The following BCORL1 variants were observed in gnomAD, a reference collection of about 807,000 sequenced individuals.
BCORL1 encodes the protein BCL-6 corepressor-like protein 1.
In BCORL1, 7 loss-of-function variants were observed where a neutral mutation model predicts 87.6. That is an observed-to-expected ratio of 0.08 (90% CI 0.05 to 0.15). The LOEUF is 0.15. Ranked by LOEUF, BCORL1 falls within the 10% of genes least tolerant of loss-of-function variation. The pLI is 1.00. For missense variants in BCORL1, 1,215 were observed against 1,499.7 expected (o/e 0.81, Z 3.13); for synonymous variants, 591 against 634.4 (o/e 0.93, Z 1.03).
chrX:129,994,377 C>T (rs1395705338), intron 1 of BCORL1, among the ~76,000 whole-genome samples: 3 of 111,549 alleles, frequency 2.7e-5, no homozygotes, highest in Non-Finnish European at 3.8e-5. Context: ...AACATCAGAT[C>T]GACCCTGAAA....
At chrX:130,039,067 G>A (rs1931141954) in intron 10 of BCORL1, 70 bp from the exon 11 acceptor site, 1 of 1,137,033 alleles carries the variant, frequency 8.8e-7, no homozygotes, top group Non-Finnish European at 1.2e-6. Context: ...CCCTGATGCA[G>A]TAGCCTTAAG....
chrX:129,991,651 CTTTTT>C (rs112594609), intron 1 of BCORL1, among the ~76,000 whole-genome samples: 1 of 47,540 alleles, frequency 2.1e-5, no homozygotes, highest in African/African-American at 9.7e-5. Flanking sequence ...AGAAAATATT[CTTTTT>C]TTTTTTTTTT....
At chrX:130,050,831 C>T (rs1932030828) in intron 12 of BCORL1, 37 bp downstream of exon 12, 1 of 1,126,447 alleles carries the variant, frequency 8.9e-7, no homozygotes, top group Non-Finnish European at 1.2e-6. Context: ...CCCTTCTTCT[C>T]AAGGACAGGA....
intron 1 of BCORL1, among the ~76,000 whole-genome samples, chrX:129,986,525 T>C (rs1275171244): frequency 9.0e-6 from 1 of 111,571 alleles, no homozygotes; most frequent in African/African-American, 3.3e-5. Context: ...GTTCATGAAA[T>C]AGAAAAAAAT....
At chrX:129,991,721 G>A (rs1211152427) in intron 1 of BCORL1, among the ~76,000 whole-genome samples, 5 of 85,941 alleles carry the variant, frequency 5.8e-5, no homozygotes, top group Admixed American at 1.3e-4. Context: ...GCAGTGGTGC[G>A]ATCTCGGCTC....
chrX:130,004,545 G>A (rs747557847), intron 1 of BCORL1, among the ~76,000 whole-genome samples: 24 of 111,897 alleles, frequency 2.1e-4, no homozygotes, highest in African/African-American at 7.1e-4. Flanking sequence ...GCGCCCTGCC[G>A]AAACACGTAG....
chrX:130,009,283 G>A (rs760229058), intron 2 of BCORL1, among the ~76,000 whole-genome samples: 26 of 110,694 alleles, frequency 2.3e-4, no homozygotes, highest in South Asian at 3.8e-4. Context: ...TGACCAACAC[G>A]GAGAAACCCC....
intron 2 of BCORL1, among the ~76,000 whole-genome samples, chrX:130,011,605 T>C (rs1352347423): frequency 2.8e-5 from 1 of 35,920 alleles, no homozygotes; most frequent in African/African-American, 3.9e-4. Context: ...CCCTCTCCCT[T>C]TTTTTTTTTG....
In BCORL1 at chrX:130,056,027, A is replaced by G; in HGVS notation, c.5249A>G (p.Asp1750Gly). ...CCTGCCGAGAGGCCTGGAGGCTTGG[A>G]CGACAGATCCCCCCCAGGCTCCTCT... ...LTPAERPGGL[D>G]DRSPPGSSET... is the part of the protein sequence containing the mutation. Residue 1750 changes from aspartate to glycine, a missense_variant, in exon 14 of 14, where the codon GAC (aspartate) becomes GGC (glycine). Physicochemically the swap from Asp to Gly is moderately conservative, Grantham distance 94. Transcript: ENST00000540052. 8.3e-7 allele frequency: 1 copy of G among 1,211,968 alleles called. No homozygotes were observed. Among genetic ancestry groups the G allele is most frequent in the Non-Finnish European group, 1.1e-6 (1 of 895,501 alleles).
chrX:130,050,580 C>A, intron 11 of BCORL1, 137 bp from the exon 12 acceptor site: 1 of 536,312 alleles, frequency 1.9e-6, no homozygotes, highest in Non-Finnish European at 3.3e-6. Context: ...GTGTGTGTCT[C>A]TCTGGTCACT....
intron 1 of BCORL1, among the ~76,000 whole-genome samples, chrX:129,989,276 C>A (rs1270773227): frequency 2.9e-5 from 3 of 103,117 alleles, no homozygotes; most frequent in Non-Finnish European, 5.9e-5. Flanking sequence ...GCTGGGACTA[C>A]AGGCGCCCGC....
In BCORL1 at chrX:130,040,710, G is replaced by A. The variant is rs753238821; in HGVS notation, c.4840+1428G>A. On this transcript the variant is annotated intron_variant, in intron 11 of 13. Coordinates refer to ENST00000540052, the MANE Select transcript of BCORL1 (RefSeq NM_001379451.1). ...GTTCCCCTTAGCTGAACCATCCCTA[G>A]GGGTGCAGGGCTTGGGGCAAGCCAC... Among the ~76,000 whole-genome samples, 15 of 112,514 alleles carry A rather than the reference G, an allele frequency of 1.3e-4. No homozygotes were observed. In the South Asian group the frequency reaches 4.0e-3, roughly 30 times the overall value.
chrX:129,983,355 C>G (rs1163812450), intron 1 of BCORL1, among the ~76,000 whole-genome samples: 1 of 106,585 alleles, frequency 9.4e-6, no homozygotes, highest in Non-Finnish European at 1.9e-5. Flanking sequence ...CTGACTCCAA[C>G]CCCCGATCCA....
chrX:130,013,415 C>G lies in BCORL1; in HGVS notation c.643C>G (p.His215Asp). The G allele has an allele frequency of 8.3e-7, 1 of 1,211,301 alleles. No homozygotes were observed. The highest frequency in any genetic ancestry group is 1.1e-6 in the Non-Finnish European group (1 of 895,366). Residue 215 changes from histidine (H) to aspartate (D), a missense_variant, in exon 4 of 14, where the codon CAC (histidine) becomes GAC (aspartate). Coordinates refer to ENST00000540052, the MANE Select transcript of BCORL1 (RefSeq NM_001379451.1). ...PPAPGSASVP[H>D]SVPDAFQVPL... is the part of the protein sequence containing the mutation. ...TGCTCCCGGTTCGGCCTCTGTGCCCCACTCTGTTCCAGATGCATTCCAGGT... is the reference window on the plus strand; with the variant it reads ...TGCTCCCGGTTCGGCCTCTGTGCCCGACTCTGTTCCAGATGCATTCCAGGT...
In BCORL1 at chrX:130,028,843, C is replaced by T. The variant is rs149745711; in HGVS notation, c.4287C>T (p.Thr1429=). 15 of 1,195,384 alleles carry T rather than the reference C, an allele frequency of 1.3e-5. No individual in the cohort carries two copies. In the Middle Eastern group the frequency reaches 7.0e-4, roughly 56 times the overall value. Residue 1429 remains threonine, a synonymous_variant, in exon 8 of 14, where the codon ACC becomes ACT. Coordinates refer to ENST00000540052, the MANE Select transcript of BCORL1 (RefSeq NM_001379451.1). ...KRKCKTKHMA[T]VSEEAKGKGR... ...AGTGCAAGACCAAGCACATGGCAACCGTCTCAGAAGAGGCAAAGGTGTGTA... is the reference window on the plus strand; with the variant it reads ...AGTGCAAGACCAAGCACATGGCAACTGTCTCAGAAGAGGCAAAGGTGTGTA...
intron 11 of BCORL1, among the ~76,000 whole-genome samples, chrX:130,045,164 C>T (rs1290166262): frequency 8.9e-6 from 1 of 112,185 alleles, no homozygotes. Flanking sequence ...AAATTACAGG[C>T]AGGTATGTGA....
At chrX:130,006,244 C>A (rs1042731793) in intron 2 of BCORL1, among the ~76,000 whole-genome samples, 6 of 111,710 alleles carry the variant, frequency 5.4e-5, no homozygotes, top group African/African-American at 2.0e-4. Flanking sequence ...CAAGATGTGC[C>A]ATTGCCTGAT....
intron 11 of BCORL1, among the ~76,000 whole-genome samples, chrX:130,043,784 ATTTTTTTTT>A (rs1163098654): frequency 1.3e-4 from 2 of 15,969 alleles, no homozygotes; most frequent in Non-Finnish European, 1.7e-4. Context: ...ATATATATAT[ATTTTTTTTT>A]TTTTTTTTTT....
intron 1 of BCORL1, among the ~76,000 whole-genome samples, chrX:130,001,904 T>C (rs1928080220): frequency 9.1e-6 from 1 of 110,150 alleles, no homozygotes; most frequent in Non-Finnish European, 1.9e-5. Context: ...GATGAATTGA[T>C]TGTAGAATCA....
Sources: allele counts gnomAD v4.1 joint callset (sites outside exome capture counted in the v4.1 genomes callset), GRCh38; gene constraint gnomAD v4.1.1; transcripts MANE v1.5; gene names NCBI Gene and HGNC (gene_info 2026-07-23, HGNC 2026-07-21).